Variants in TUSC3 observed in about 807,000 individuals in gnomAD.
The protein encoded by TUSC3 is dolichyl-diphosphooligosaccharide--protein glycosyltransferase subunit TUSC3.
Under a neutral mutation model 44.8 loss-of-function variants are expected in TUSC3, and 45 were observed. The observed-to-expected ratio is 1.00, with a 90% CI of 0.79 to 1.29. The LOEUF (loss-of-function observed/expected upper bound fraction) is 1.29. TUSC3 is among the 50% of genes most tolerant of loss of function. The pLI is 0.00. For synonymous variants in TUSC3, 212 were observed against 152.9 expected (o/e 1.39, Z -2.85); for missense variants, 519 against 437.9 (o/e 1.19, Z -1.65).
chr8:15,586,075 A>C (rs2129148635), intron 1 of TUSC3, among the ~76,000 whole-genome samples: 1 of 150,640 alleles, frequency 6.6e-6, no homozygotes, highest in Non-Finnish European at 1.5e-5. Flanking sequence ...GAAACCAGGA[A>C]AAATATTTTA....
chr8:15,738,827 C>CTTTTTTTTTTTTTTCTTTTTTT (rs1563198661), intron 7 of TUSC3, among the ~76,000 whole-genome samples: 2 of 87,170 alleles, frequency 2.3e-5, no homozygotes, highest in Admixed American at 1.5e-4. Context: ...ATATATCTTG[C>CTTTTTTTTTTTTTTCTTTTTTT]TTTTTTTTTT....
chr8:15,785,119 G>A, the TUSC3 span, among the ~76,000 whole-genome samples: 6 of 151,992 alleles, frequency 3.9e-5, no homozygotes, highest in South Asian at 2.1e-4. Flanking sequence ...AACATATTAG[G>A]TACAGTGCAC....
chr8:15,698,967 C>G (rs1212289482), intron 6 of TUSC3, among the ~76,000 whole-genome samples: 3 of 151,960 alleles, frequency 2.0e-5, no homozygotes, highest in Non-Finnish European at 4.4e-5. Flanking sequence ...CCACCTCAGC[C>G]TCCTTAGTAG....
intron 1 of TUSC3, among the ~76,000 whole-genome samples, chr8:15,431,597 T>C (rs897237523): frequency 1.3e-5 from 2 of 149,018 alleles, no homozygotes; most frequent in Admixed American, 1.3e-4. Context: ...GGTTTCTATA[T>C]ATAGGATTAT....
chr8:15,539,115 T>C (rs1310608749), upstream of TUSC3, among the ~76,000 whole-genome samples: 2 of 151,700 alleles, frequency 1.3e-5, no homozygotes, highest in African/African-American at 2.4e-5. Context: ...TCCCAAAGCA[T>C]TGGGTTTACA....
At chr8:15,703,941 G>GT (rs1809507929) in intron 6 of TUSC3, among the ~76,000 whole-genome samples, 1 of 152,144 alleles carries the variant, frequency 6.6e-6, no homozygotes, top group South Asian at 2.1e-4. Flanking sequence ...GTCTTAAGCA[G>GT]TCTGGCTTGG....
chr8:15,490,283 C>A (rs1191517861), intron 2 of TUSC3, among the ~76,000 whole-genome samples: 1 of 152,204 alleles, frequency 6.6e-6, no homozygotes, highest in East Asian at 1.9e-4. Context: ...GACAGAGTCA[C>A]ATCCAAATGC....
upstream of TUSC3, among the ~76,000 whole-genome samples, chr8:15,539,201 G>T (rs372034560): frequency 6.6e-6 from 1 of 151,822 alleles, no homozygotes; most frequent in African/African-American, 2.4e-5. Context: ...TTTTAAGAAG[G>T]CGTCTACAGG....
intron 1 of TUSC3, among the ~76,000 whole-genome samples, chr8:15,616,116 G>C (rs145731481): frequency 1.5e-3 from 234 of 152,280 alleles, no homozygotes; most frequent in Admixed American, 2.7e-3. Context: ...AGATAATTTA[G>C]TGTGGTATAG....
intron 5 of TUSC3, among the ~76,000 whole-genome samples, chr8:15,672,892 A>G (rs536191788): frequency 2.0e-5 from 3 of 152,060 alleles, no homozygotes; most frequent in Non-Finnish European, 4.4e-5. Context: ...TTTTGGTACA[A>G]ATGCCTATCA....
At chr8:15,634,483 A>G (rs1162451553) in intron 2 of TUSC3, among the ~76,000 whole-genome samples, 6 of 152,198 alleles carry the variant, frequency 3.9e-5, no homozygotes, top group East Asian at 1.9e-4. Flanking sequence ...AGAAAGGGCA[A>G]TTGATATTTT....
At chr8:15,834,718 CT>C in the TUSC3 span, among the ~76,000 whole-genome samples, 1 of 152,014 alleles carries the variant, frequency 6.6e-6, no homozygotes, top group Non-Finnish European at 1.5e-5. Context: ...TTCTGTTGGC[CT>C]GTTTTTCTGG....
chr8:15,664,900 C>A (rs934042944), intron 5 of TUSC3, among the ~76,000 whole-genome samples: 2 of 150,632 alleles, frequency 1.3e-5, no homozygotes, highest in Admixed American at 6.6e-5. Context: ...TCATTTCTGC[C>A]TGATACCACC....
the TUSC3 span, among the ~76,000 whole-genome samples, chr8:15,845,375 T>A: frequency 6.6e-6 from 1 of 152,258 alleles, no homozygotes; most frequent in South Asian, 2.1e-4. Context: ...CAGAAAATCC[T>A]GAACTCCCTA....
At chr8:15,428,239 G>A (rs74438321) in intron 1 of TUSC3, among the ~76,000 whole-genome samples, 33 of 150,012 alleles carry the variant, frequency 2.2e-4, no homozygotes, top group African/African-American at 7.1e-4. Flanking sequence ...TTGTCCTCAC[G>A]ATACTTCGCT....
chr8:15,537,156 T>TCTG (rs10651023), upstream of TUSC3, among the ~76,000 whole-genome samples: 127,020 of 151,748 alleles, frequency 0.84, 53,931 homozygotes, highest in Non-Finnish European at 0.9. Context: ...CTCTCTGAAG[T>TCTG]CTGTCTGAGA....
At chr8:15,818,470 G>A in the TUSC3 span, among the ~76,000 whole-genome samples, 40 of 152,208 alleles carry the variant, frequency 2.6e-4, no homozygotes, top group African/African-American at 7.5e-4. Context: ...AGTGTTCTTA[G>A]ATCTGTTGAT....
chr8:15,783,923 G>C, the TUSC3 span, among the ~76,000 whole-genome samples: 278 of 152,196 alleles, frequency 1.8e-3, no homozygotes, highest in African/African-American at 6.2e-3. Flanking sequence ...CGCACAGATG[G>C]GGAGAAAATG....
At chr8:15,651,685 G>C (rs1425018081) in intron 3 of TUSC3, among the ~76,000 whole-genome samples, 1 of 152,182 alleles carries the variant, frequency 6.6e-6, no homozygotes, top group South Asian at 2.1e-4. Context: ...CTTGGACTTT[G>C]AGTCTTCAGA....
Sources: allele counts gnomAD v4.1 joint callset (sites outside exome capture counted in the v4.1 genomes callset), GRCh38; gene constraint gnomAD v4.1.1; transcripts MANE v1.5; gene names NCBI Gene and HGNC (gene_info 2026-07-23, HGNC 2026-07-21).